The following SLC27A6 variants were observed in gnomAD, a reference collection of about 807,000 sequenced individuals.
The protein encoded by SLC27A6 is solute carrier family 27 member 6.
SLC27A6 carries 74 observed loss-of-function variants against 63.9 expected under a neutral mutation model. The ratio of observed to expected loss-of-function variants is 1.16; its 90% confidence interval spans 0.96 to 1.40. The LOEUF (loss-of-function observed/expected upper bound fraction) is 1.40, where lower values mean the gene tolerates loss of function less well. Ranked by LOEUF, SLC27A6 falls within the 40% of genes most tolerant of loss-of-function variation. The pLI is 0.00. For synonymous variants in SLC27A6, 287 were observed against 260.8 expected, an observed-to-expected ratio of 1.10 and a Z score of -0.97; for missense variants, 794 against 732.9, an observed-to-expected ratio of 1.08 and a Z score of -0.96.
At chr5:128,994,116 G>T (rs1334446152) in intron 4 of SLC27A6, among the ~76,000 whole-genome samples, 1 of 151,954 alleles carries the variant, frequency 6.6e-6, no homozygotes, top group South Asian at 2.1e-4. Flanking sequence ...TGTGTGAGCC[G>T]AGATTGTGCC....
intron 6 of SLC27A6, among the ~76,000 whole-genome samples, chr5:129,024,934 G>A (rs550914321): frequency 4.6e-5 from 7 of 152,252 alleles, no homozygotes; most frequent in African/African-American, 1.7e-4. Context: ...TGAATTTCAA[G>A]CCTACTGGCA....
chr5:128,989,145 A>G (rs1750890447), intron 3 of SLC27A6, among the ~76,000 whole-genome samples: 1 of 152,350 alleles, frequency 6.6e-6, no homozygotes, highest in Admixed American at 6.5e-5. Flanking sequence ...TTTTACCTTC[A>G]TTCCATTGAT....
chr5:128,971,311 C>CT (rs1346191640), intron 1 of SLC27A6, among the ~76,000 whole-genome samples: 1 of 152,014 alleles, frequency 6.6e-6, no homozygotes, highest in East Asian at 1.9e-4. Flanking sequence ...CCTTTATATC[C>CT]TTGTTAACTT....
chr5:128,970,190 A>G (rs62399674), intron 1 of SLC27A6, among the ~76,000 whole-genome samples: 35,156 of 149,790 alleles, frequency 0.23, 4,729 homozygotes, highest in Middle Eastern at 0.33. Flanking sequence ...GGATTTTTGC[A>G]TCAGTGTTCA....
intron 9 of SLC27A6, 95 bp from the exon 10 acceptor site, chr5:129,033,011 T>G (rs979757985): frequency 4.8e-6 from 3 of 627,272 alleles, no homozygotes; most frequent in Non-Finnish European, 7.5e-6. Context: ...AGATATAAAG[T>G]GTCATAATTT....
intron 1 of SLC27A6, among the ~76,000 whole-genome samples, chr5:128,981,108 T>C (rs182763206): frequency 2.6e-5 from 4 of 152,336 alleles, no homozygotes; most frequent in African/African-American, 7.2e-5. Flanking sequence ...GAAAAAAATA[T>C]GTAATTTTTG....
At chr5:128,972,432 C>G (rs559613957) in intron 1 of SLC27A6, among the ~76,000 whole-genome samples, 1 of 152,180 alleles carries the variant, frequency 6.6e-6, no homozygotes, top group South Asian at 2.1e-4. Flanking sequence ...TTCACATAGT[C>G]CCATATTTCT....
Position 128,973,013 on chromosome 5 carries a change from A to C in SLC27A6, c.481+6395A>C, listed in dbSNP as rs557734380. Among the ~76,000 whole-genome samples, 6 of 152,200 alleles carry C rather than the reference A, an allele frequency of 3.9e-5. No individual in the cohort carries two copies. The South Asian group carries it at 1.2e-3, about 32-fold the overall frequency. Reference sequence around the variant, plus strand: ...TTTCTGTTTATTAGTTTTCCTTCTAACAGTCAGGACCCTCAGCTGCAGGTC... The same window carrying C: ...TTTCTGTTTATTAGTTTTCCTTCTACCAGTCAGGACCCTCAGCTGCAGGTC... On this transcript the variant is annotated intron_variant, in intron 1 of 9. Transcript: ENST00000262462.
intron 7 of SLC27A6, 39 bp downstream of exon 7, chr5:129,027,370 TG>T: frequency 6.8e-7 from 1 of 1,469,364 alleles, no homozygotes; most frequent in South Asian, 1.2e-5. Context: ...GTTCTGTAAT[TG>T]TGAACCATGC....
At chr5:129,013,691 T>TTTCATGGC (rs1339593874) in intron 4 of SLC27A6, among the ~76,000 whole-genome samples, 2 of 152,152 alleles carry the variant, frequency 1.3e-5, no homozygotes, top group Non-Finnish European at 2.9e-5. Flanking sequence ...TTATTTATTT[T>TTTCATGGC]TTCATGGCTT....
chr5:129,028,763 T>G (rs1302741932), intron 8 of SLC27A6, among the ~76,000 whole-genome samples: 1 of 151,962 alleles, frequency 6.6e-6, no homozygotes, highest in African/African-American at 2.4e-5. Flanking sequence ...TTATGACTGG[T>G]GTTTGTACAT....
chr5:129,000,435 C>A (rs531378795), intron 4 of SLC27A6, among the ~76,000 whole-genome samples: 8 of 152,204 alleles, frequency 5.3e-5, no homozygotes, highest in Middle Eastern at 3.4e-3. Context: ...TAGAACAAGT[C>A]CAGTTGCTGG....
chr5:128,966,436 C>A lies in SLC27A6; in HGVS notation c.299C>A (p.Ser100Tyr), dbSNP rs757573119. ...GTGGCCCATGTCTTCCTGAACCATT[C>A]CTCTCTGAAAAAGGGGGACACGGTG... is the stretch of plus-strand genomic sequence containing the variant. The part of the protein sequence containing the change: ...SRVAHVFLNH[S>Y]SLKKGDTVAL... Residue 100 changes from serine to tyrosine, a missense_variant, in exon 1 of 10, where the codon TCC (serine) becomes TAC (tyrosine). By Grantham distance (144) the Ser-to-Tyr change is moderately radical (BLOSUM62 -2). Transcript: ENST00000262462. 1.9e-6 allele frequency: 3 copies of A among 1,606,094 alleles called. No individual in the cohort carries two copies. Among genetic ancestry groups the A allele is most frequent in the South Asian group, 2.2e-5 (2 of 89,434 alleles).
chr5:128,975,648 A>G (rs2577429), intron 1 of SLC27A6, among the ~76,000 whole-genome samples: 36,655 of 152,112 alleles, frequency 0.24, 4,966 homozygotes, highest in Middle Eastern at 0.33. Flanking sequence ...CTCATTGACC[A>G]AAATATCATT....
chr5:129,021,900 C>A (rs1229711614), intron 5 of SLC27A6, among the ~76,000 whole-genome samples: 1 of 152,072 alleles, frequency 6.6e-6, no homozygotes, highest in Non-Finnish European at 1.5e-5. Context: ...TGAATCTCAC[C>A]CACACACAGT....
intron 5 of SLC27A6, among the ~76,000 whole-genome samples, chr5:129,017,465 T>C (rs987015877): frequency 3.9e-5 from 6 of 152,104 alleles, no homozygotes; most frequent in Non-Finnish European, 5.9e-5. Flanking sequence ...GCTCAGTAAC[T>C]ATCTCTATAA....
chr5:129,028,461 T>C lies in SLC27A6; in HGVS notation c.1552+19T>C. ...ATATCAGGTATAAATATATTTCAGA[T>C]TTTGGAAAGATTCTTAGAATAGAAT... On this transcript the variant is annotated intron_variant, in intron 8 of 9. Transcript: ENST00000262462. 7.0e-7 allele frequency: 1 copy of C among 1,437,772 alleles called. No individual in the cohort carries two copies. The highest frequency in any genetic ancestry group is 9.7e-7 in the Non-Finnish European group (1 of 1,031,776). 89.1% of individuals were successfully genotyped at this position (1,437,772 alleles called of 1,614,324 possible). A position where few individuals can be genotyped will look rare whatever the true frequency, so the allele number is the denominator to read the frequency against.
In SLC27A6 at chr5:129,030,837, C is replaced by A. The variant is rs182838617; in HGVS notation, c.1683+1130C>A. Among the ~76,000 whole-genome samples, 433 of 152,016 alleles carry A rather than the reference C, an allele frequency of 2.8e-3. 3 individuals carry two copies. Among genetic ancestry groups the A allele is most frequent in the African/African-American group, 0.01 (419 of 41,494 alleles). On this transcript the variant is annotated intron_variant, in intron 9 of 9. Coordinates refer to ENST00000262462, the MANE Select transcript of SLC27A6 (RefSeq NM_001017372.3). The stretch of plus-strand genomic sequence containing the variant: ...TGCTTTACTTACACTTATATGTGTG[C>A]GTATATTTTCTATACAGTTTTATCA...
intron 6 of SLC27A6, among the ~76,000 whole-genome samples, chr5:129,024,188 G>A (rs1168463646): frequency 6.6e-6 from 1 of 152,024 alleles, no homozygotes; most frequent in Non-Finnish European, 1.5e-5. Flanking sequence ...GAGCCCTAGA[G>A]GGATCACTCA....
Sources: gnomAD v4.1 joint callset for allele counts (sites outside exome capture counted in the v4.1 genomes callset) on GRCh38, gnomAD v4.1.1 for gene constraint, MANE v1.5 for transcripts, NCBI Gene and HGNC (gene_info 2026-07-23, HGNC 2026-07-21) for gene names.